Variants in NR5A2 observed in about 807,000 individuals in gnomAD.
The protein encoded by NR5A2 is CYP7A promoter-binding factor.
NR5A2 carries 26 observed loss-of-function variants against 62.7 expected under a neutral mutation model. The ratio of observed to expected loss-of-function variants is 0.41; its 90% CI spans 0.30 to 0.58. The LOEUF (loss-of-function observed/expected upper bound fraction) is 0.58, where lower values mean the gene tolerates loss of function less well. Among genes scored for constraint, NR5A2 ranks in the 20% least tolerant of loss-of-function variants. The pLI, the probability that NR5A2 is intolerant of heterozygous loss-of-function variation, is 0.22. For synonymous variants in NR5A2, 246 were observed against 241.7 expected, an observed-to-expected ratio of 1.02 and a Z score of -0.16; for missense variants, 541 against 669.1, an observed-to-expected ratio of 0.81 and a Z score of 2.11.
At chr1:200,079,259 C>G (rs1417762701) in intron 5 of NR5A2, among the ~76,000 whole-genome samples, 1 of 152,238 alleles carries the variant, frequency 6.6e-6, no homozygotes, top group Non-Finnish European at 1.5e-5. Context: ...ATATTTTTCT[C>G]TGTTATGTCA....
At chr1:200,106,889 G>A (rs1571488079) in intron 5 of NR5A2, among the ~76,000 whole-genome samples, 1 of 152,106 alleles carries the variant, frequency 6.6e-6, no homozygotes, top group South Asian at 2.1e-4. Context: ...GTTATCCAAA[G>A]CACCATGAAG....
intron 5 of NR5A2, among the ~76,000 whole-genome samples, chr1:200,068,306 C>T (rs928068308): frequency 4.6e-5 from 7 of 152,126 alleles, no homozygotes; most frequent in Admixed American, 1.3e-4. Flanking sequence ...TACAGATGAG[C>T]ATAAATATGT....
At chr1:200,087,046 A>T (rs1664582948) in intron 5 of NR5A2, among the ~76,000 whole-genome samples, 1 of 152,162 alleles carries the variant, frequency 6.6e-6, no homozygotes. Flanking sequence ...AAAAATAAAA[A>T]TAAAAAATTG....
chr1:200,101,805 A>T (rs913879428), intron 5 of NR5A2, among the ~76,000 whole-genome samples: 4 of 152,230 alleles, frequency 2.6e-5, no homozygotes, highest in Non-Finnish European at 5.9e-5. Flanking sequence ...ATTAGTTTGT[A>T]ATTAATTGAT....
At position 200,027,800 on chromosome 1, in the gene NR5A2, C is replaced by A; in HGVS notation, c.-48C>A. ...TGACAAGCTGCACTTTTCTTTTGCT[C>A]AATGATTTCTGCTTTAAGCCAAAGA... On this transcript the variant is annotated 5_prime_UTR_variant, in exon 1 of 8. Transcript: ENST00000367362. The A allele has an allele frequency of 1.4e-6, 2 of 1,428,238 alleles. No homozygotes were observed. Among genetic ancestry groups the A allele is most frequent in the South Asian group, 1.3e-5 (1 of 78,524 alleles). 88.5% of individuals were successfully genotyped at this position (1,428,238 alleles called of 1,614,324 possible).
rs767393832 is a variant in NR5A2 at position 200,034,783 on chromosome 1, C to CTTTTTTT, written c.65-4850_65-4844dup. On this transcript the variant is annotated intron_variant, in intron 1 of 7. Transcript: ENST00000367362. ...GTTATTCACACGTGCAGCAGAAAGG[C>CTTTTTTT]TTTTTTTTTTTTTTTTTTTTTTTTT... Among the ~76,000 whole-genome samples, 47 of 71,286 alleles carry CTTTTTTT rather than the reference C, an allele frequency of 6.6e-4. 4 individuals are homozygous for CTTTTTTT. The highest frequency in any genetic ancestry group is 2.4e-3 in the African/African-American group (45 of 18,910). 46.8% of individuals were successfully genotyped at this position (71,286 alleles called of 152,430 possible). A position where few individuals can be genotyped will look rare whatever the true frequency, so the allele number is the denominator to read the frequency against.
chr1:200,086,092 C>A (rs182255756), intron 5 of NR5A2, among the ~76,000 whole-genome samples: 2 of 152,054 alleles, frequency 1.3e-5, no homozygotes, highest in African/African-American at 2.4e-5. Flanking sequence ...GATTATCAGG[C>A]TAACTACGTG....
chr1:200,049,482 GGTACATTGTAAACATA>G (rs1662530834), intron 5 of NR5A2, among the ~76,000 whole-genome samples: 1 of 152,090 alleles, frequency 6.6e-6, no homozygotes, highest in Admixed American at 6.6e-5. Context: ...TTAGTGGACT[GGTACATTGTAAACATA>G]GTACTTGTTT....
chr1:200,164,549 CTTT>C (rs35458399), intron 7 of NR5A2, among the ~76,000 whole-genome samples: 1 of 139,594 alleles, frequency 7.2e-6, no homozygotes. Flanking sequence ...TTTTAATAGA[CTTT>C]TTTTTTTTTT....
At chr1:200,120,754 G>T in intron 6 of NR5A2, 54 bp from the exon 7 acceptor site, 2 of 1,483,610 alleles carry the variant, frequency 1.3e-6, no homozygotes, top group Non-Finnish European at 1.8e-6. Context: ...CGACTCAGGT[G>T]AAATACATAT....
At chr1:200,108,117 A>AGTGTGTGTGTGTGTGT in intron 5 of NR5A2, among the ~76,000 whole-genome samples, 1 of 134,772 alleles carries the variant, frequency 7.4e-6, no homozygotes, top group African/African-American at 3.0e-5. Flanking sequence ...TGTGTGTGTC[A>AGTGTGTGTGTGTGTGT]GGGTCTTGCT....
At chr1:200,057,388 A>AT (rs1282309242) in intron 5 of NR5A2, 1 of 186,696 alleles carries the variant, frequency 5.4e-6, no homozygotes, top group Non-Finnish European at 1.1e-5. Context: ...TCGCTCTCGT[A>AT]TAACATGTTC....
At chr1:200,166,234 A>G (rs1653894516) in intron 7 of NR5A2, among the ~76,000 whole-genome samples, 1 of 152,224 alleles carries the variant, frequency 6.6e-6, no homozygotes. Flanking sequence ...ATACAAAAAA[A>G]GTCAAAAGTG....
In NR5A2 at chr1:200,048,435, T is replaced by A; in HGVS notation, c.727T>A (p.Ser243Thr). The change falls in exon 5 of 8, where the codon TCC (serine) becomes ACC (threonine). Residue 243 changes from serine (S) to threonine (T), a missense_variant. This residue lies in a region of NR5A2 where 379 missense variants were observed against 442.0 expected (regional missense o/e 0.86). Transcript: ENST00000367362. This position sits in a 1 kb window ranked among gnomAD's most constrained non-coding sequence, Gnocchi z 4.8. ...CTATGACAGAAGTCCCTTTGTAACA[T>A]CCCCCATTAGCATGACAATGCCCCC... The part of the protein sequence containing the change: ...TDYDRSPFVT[S>T]PISMTMPPHG... 3.1e-6 allele frequency: 5 copies of A among 1,613,950 alleles called. No homozygotes were observed. Among genetic ancestry groups the A allele is most frequent in the Non-Finnish European group, 2.5e-6 (3 of 1,179,990 alleles).
chr1:200,057,640 A>T (rs1439382511), intron 5 of NR5A2: 1 of 347,782 alleles, frequency 2.9e-6, no homozygotes, highest in Non-Finnish European at 5.7e-6. Flanking sequence ...CACAACACCC[A>T]TCTAATTTTT....
intron 6 of NR5A2, among the ~76,000 whole-genome samples, chr1:200,116,814 G>A (rs1486532701): frequency 2.0e-5 from 3 of 152,054 alleles, no homozygotes; most frequent in Non-Finnish European, 2.9e-5. Flanking sequence ...AACTACACAC[G>A]CACATATGCA....
At chr1:200,148,053 C>A in intron 7 of NR5A2, 1 of 297,812 alleles carries the variant, frequency 3.4e-6, no homozygotes, top group South Asian at 5.9e-5. Context: ...GCGCACGGTC[C>A]CCATGCAGTC....
chr1:200,142,983 C>T (rs1201485060), intron 7 of NR5A2, among the ~76,000 whole-genome samples: 1 of 151,902 alleles, frequency 6.6e-6, no homozygotes, highest in Non-Finnish European at 1.5e-5. Context: ...TTTATTTTTG[C>T]TGACTTTTTC....
intron 5 of NR5A2, among the ~76,000 whole-genome samples, chr1:200,096,947 G>A (rs1665131456): frequency 6.6e-6 from 1 of 152,104 alleles, no homozygotes; most frequent in African/African-American, 2.4e-5. Context: ...ACACAAGGAT[G>A]AAATCACCTA....
Sources: allele counts gnomAD v4.1 joint callset (sites outside exome capture counted in the v4.1 genomes callset), GRCh38; gene constraint gnomAD v4.1.1; regional missense constraint gnomAD v4.1.1; non-coding constraint Gnocchi (gnomAD v3.1); transcripts MANE v1.5; gene names NCBI Gene and HGNC (gene_info 2026-07-23, HGNC 2026-07-21).